SLCO1B1: variants seen among roughly 807,000 people sequenced by gnomAD.
SLCO1B1 encodes OATP-2.
SLCO1B1 carries 81 observed loss-of-function variants against 70.1 expected under a neutral mutation model. The ratio of observed to expected loss-of-function variants is 1.16; its 90% CI spans 0.97 to 1.39. SLCO1B1 has a LOEUF of 1.39. SLCO1B1 is among the 40% of genes most tolerant of loss of function. The probability of loss-of-function intolerance (pLI) is 0.00; values close to 1 mark genes in which losing one functional copy is unlikely to be tolerated. For missense variants in SLCO1B1, 895 were observed against 799.6 expected, an observed-to-expected ratio of 1.12 and a Z score of -1.44; for synonymous variants, 283 against 271.5, an observed-to-expected ratio of 1.04 and a Z score of -0.42.
intron 7 of SLCO1B1, 128 bp downstream of exon 7, chr12:21,179,148 T>C: frequency 3.0e-6 from 2 of 674,688 alleles, no homozygotes; most frequent in Non-Finnish European, 5.3e-6. Context: ...AAGTTACAAG[T>C]AGGAAATAAA....
chr12:21,224,687 T>A (rs181399360), intron 13 of SLCO1B1, 35 bp from the exon 14 acceptor site: 3 of 1,202,832 alleles, frequency 2.5e-6, no homozygotes. Flanking sequence ...TAAAATATGT[T>A]CCCTAAACTG....
chr12:21,146,822 G>T (rs987178520), intron 2 of SLCO1B1, among the ~76,000 whole-genome samples: 3 of 152,046 alleles, frequency 2.0e-5, no homozygotes, highest in Admixed American at 6.6e-5. Flanking sequence ...ATGTGTTAAG[G>T]TGTGTTTTAT....
At chr12:21,209,192 A>G (rs1189316521) in intron 11 of SLCO1B1, among the ~76,000 whole-genome samples, 16 of 151,756 alleles carry the variant, frequency 1.1e-4, no homozygotes, top group African/African-American at 2.4e-4. Flanking sequence ...ATATCTCCCA[A>G]TGCTATCCCT....
chr12:21,218,147 G>C (rs544830327), intron 12 of SLCO1B1, among the ~76,000 whole-genome samples: 1 of 152,106 alleles, frequency 6.6e-6, no homozygotes, highest in East Asian at 1.9e-4. Context: ...AGAGGGTCTT[G>C]GTGCTGACGC....
intron 14 of SLCO1B1, among the ~76,000 whole-genome samples, chr12:21,236,464 A>T (rs1941596530): frequency 6.6e-6 from 1 of 152,170 alleles, no homozygotes; most frequent in African/African-American, 2.4e-5. Context: ...TTTAGATAGA[A>T]AGGTGGTGCA....
chr12:21,236,876 C>T (rs1941600721), intron 14 of SLCO1B1, among the ~76,000 whole-genome samples: 1 of 152,078 alleles, frequency 6.6e-6, no homozygotes, highest in South Asian at 2.1e-4. Flanking sequence ...TCAGTGGCAG[C>T]ATGATATATC....
intron 2 of SLCO1B1, among the ~76,000 whole-genome samples, chr12:21,157,747 G>A (rs894756465): frequency 1.8e-4 from 28 of 151,704 alleles, no homozygotes; most frequent in African/African-American, 5.3e-4. Context: ...GACTACAGGC[G>A]CCCACCACCA....
intron 7 of SLCO1B1, among the ~76,000 whole-genome samples, chr12:21,180,280 A>G (rs4149058): frequency 0.3 from 46,153 of 151,920 alleles, 7,697 homozygotes; most frequent in East Asian, 0.5. Context: ...ATTTCTCTGC[A>G]TTTACACTTG....
intron 4 of SLCO1B1, among the ~76,000 whole-genome samples, chr12:21,176,574 A>C (rs1015263936): frequency 6.6e-6 from 1 of 152,090 alleles, no homozygotes; most frequent in Non-Finnish European, 1.5e-5. Flanking sequence ...GGTGTATTGA[A>C]TTATCTTTCT....
intron 1 of SLCO1B1, among the ~76,000 whole-genome samples, chr12:21,136,262 T>C (rs200943514): frequency 0.062 from 9,418 of 152,104 alleles, 316 homozygotes; most frequent in East Asian, 0.13. Context: ...CTGCCCTTAA[T>C]ATTTTTTCCT....
intron 10 of SLCO1B1, among the ~76,000 whole-genome samples, chr12:21,204,025 T>C (rs187062102): frequency 1.3e-5 from 2 of 152,040 alleles, no homozygotes; most frequent in Admixed American, 1.3e-4. Flanking sequence ...TCCTTAAAGG[T>C]AAATATTAAG....
chr12:21,200,587 C>T lies in SLCO1B1; in HGVS notation c.1050C>T (p.Ser350=). Residue 350 remains serine, a synonymous_variant, in exon 9 of 15, where the codon AGC becomes AGT. Coordinates refer to ENST00000256958, the MANE Select transcript of SLCO1B1 (RefSeq NM_006446.5). ...MFVLLTLLQV[S]SYIGAFTYVF... is the part of the protein sequence containing the mutation. ...TGCTTTTGACGTTGTTACAAGTAAG[C>T]AGCTATATTGGTGCTTTTACTTATG... The T allele has an allele frequency of 1.9e-6, 3 of 1,611,024 alleles. No individual in the cohort carries two copies. The highest frequency in any genetic ancestry group is 2.5e-6 in the Non-Finnish European group (3 of 1,177,990).
At chr12:21,231,130 A>C (rs1941532614) in intron 14 of SLCO1B1, among the ~76,000 whole-genome samples, 1 of 151,858 alleles carries the variant, frequency 6.6e-6, no homozygotes, top group Non-Finnish European at 1.5e-5. Flanking sequence ...AGCTTCATCC[A>C]TGTCCCTACA....
At chr12:21,139,425 T>G (rs932083993) in intron 1 of SLCO1B1, among the ~76,000 whole-genome samples, 1 of 152,136 alleles carries the variant, frequency 6.6e-6, no homozygotes, top group Non-Finnish European at 1.5e-5. Context: ...GAGGTACACA[T>G]GTATGGGTTT....
At chr12:21,192,111 T>C (rs1941035721) in intron 7 of SLCO1B1, among the ~76,000 whole-genome samples, 2 of 152,024 alleles carry the variant, frequency 1.3e-5, no homozygotes, top group Admixed American at 6.6e-5. Flanking sequence ...GGTATCAGAA[T>C]AATGCTGGCC....
intron 7 of SLCO1B1, among the ~76,000 whole-genome samples, chr12:21,187,177 G>C (rs1940972175): frequency 6.6e-6 from 1 of 152,052 alleles, no homozygotes; most frequent in Non-Finnish European, 1.5e-5. Context: ...GAAGGGATGA[G>C]GTAAGTCTAC....
chr12:21,196,688 T>C (rs1657816708), intron 7 of SLCO1B1, among the ~76,000 whole-genome samples: 1 of 152,132 alleles, frequency 6.6e-6, no homozygotes. Flanking sequence ...TGTCCAGTCA[T>C]GTAATCAGAA....
intron 14 of SLCO1B1, among the ~76,000 whole-genome samples, chr12:21,233,571 C>CAA (rs60313934): frequency 4.4e-5 from 6 of 137,616 alleles, no homozygotes; most frequent in African/African-American, 1.3e-4. Flanking sequence ...AACAAACAAA[C>CAA]AAAAAAAAAA....
chr12:21,205,441 G>T (rs1156983088), intron 10 of SLCO1B1, among the ~76,000 whole-genome samples: 1 of 151,616 alleles, frequency 6.6e-6, no homozygotes, highest in Non-Finnish European at 1.5e-5. Context: ...TAGTTAAATA[G>T]CATTCGTAGA....
Sources: allele counts gnomAD v4.1 joint callset (sites outside exome capture counted in the v4.1 genomes callset), GRCh38; gene constraint gnomAD v4.1.1; transcripts MANE v1.5; gene names NCBI Gene and HGNC (gene_info 2026-07-23, HGNC 2026-07-21).